The following CNDP1 variants were observed in gnomAD, a reference collection of about 807,000 sequenced individuals.
CNDP1 encodes the protein beta-Ala-His dipeptidase.
Under a neutral mutation model 58.1 loss-of-function variants are expected in CNDP1, and 44 were observed. The observed-to-expected ratio is 0.76, with a 90% confidence interval of 0.60 to 0.97. The LOEUF (loss-of-function observed/expected upper bound fraction) is 0.97, where lower values mean the gene tolerates loss of function less well. CNDP1 is among the 50% of genes least tolerant of loss of function. The probability of loss-of-function intolerance (pLI) is 0.00; values close to 1 mark genes in which losing one functional copy is unlikely to be tolerated. For missense variants in CNDP1, 616 were observed against 655.1 expected (o/e 0.94, Z 0.65); for synonymous variants, 254 against 252.6 (o/e 1.01, Z -0.05).
intron 6 of CNDP1, among the ~76,000 whole-genome samples, chr18:74,570,739 A>G (rs572057450): frequency 6.6e-6 from 1 of 152,316 alleles, no homozygotes; most frequent in African/African-American, 2.4e-5. Context: ...GGAAGAAGAG[A>G]TGTTATTACA....
intron 5 of CNDP1, among the ~76,000 whole-genome samples, chr18:74,563,078 G>A (rs1276379097): frequency 6.6e-6 from 1 of 152,184 alleles, no homozygotes; most frequent in Non-Finnish European, 1.5e-5. Flanking sequence ...AGCAGACCTG[G>A]GCTTCTGGGG....
At chr18:74,542,671 A>G (rs1024123456) in intron 1 of CNDP1, among the ~76,000 whole-genome samples, 3 of 152,218 alleles carry the variant, frequency 2.0e-5, no homozygotes, top group African/African-American at 7.2e-5. Context: ...GACTATAGGT[A>G]TGCACCACCT....
At chr18:74,574,591 C>T (rs1981580357) in intron 7 of CNDP1, among the ~76,000 whole-genome samples, 1 of 152,190 alleles carries the variant, frequency 6.6e-6, no homozygotes, top group Admixed American at 6.5e-5. Flanking sequence ...CCCCGCACTT[C>T]CCAAGAAGGC....
intron 6 of CNDP1, among the ~76,000 whole-genome samples, chr18:74,570,234 T>TAATAAA (rs1568298355): frequency 9.4e-4 from 79 of 83,812 alleles, no homozygotes; most frequent in Middle Eastern, 6.1e-3. Context: ...ATAATAATAA[T>TAATAAA]AAATAATTAA....
chr18:74,536,289 C>T (rs1011680897), intron 1 of CNDP1, among the ~76,000 whole-genome samples: 1 of 152,152 alleles, frequency 6.6e-6, no homozygotes, highest in African/African-American at 2.4e-5. Flanking sequence ...TCCTCTCCCT[C>T]CTCCCGTCCT....
Position 74,586,110 on chromosome 18 carries a change from A to G in CNDP1, c.*1548A>G, listed in dbSNP as rs1288888283. On this transcript the variant is annotated 3_prime_UTR_variant, in exon 12 of 12. Transcript: ENST00000358821. ...TTAAAAACGTGCTGTACCACCTTTA[A>G]AAGGACTGGAGCAGGCAGGCAGTGA... 2 of 152,172 alleles carry G rather than the reference A, an allele frequency of 1.3e-5. No individual in the cohort carries two copies. The allele number at this position is 152,172 out of a possible 1,614,324, so 9.4% of individuals were successfully genotyped here. A position where few individuals can be genotyped will look rare whatever the true frequency, so the allele number is the denominator to read the frequency against.
At chr18:74,541,815 A>C (rs1980631917) in intron 1 of CNDP1, among the ~76,000 whole-genome samples, 1 of 152,022 alleles carries the variant, frequency 6.6e-6, no homozygotes, top group African/African-American at 2.4e-5. Context: ...ACAATCCCCC[A>C]CTTCTTCAGA....
chr18:74,580,039 G>C (rs759743268), intron 9 of CNDP1, 91 bp from the exon 10 acceptor site: 16 of 1,128,768 alleles, frequency 1.4e-5, no homozygotes, highest in African/African-American at 1.2e-4. Context: ...TATATTAACT[G>C]TACTAATCAG....
chr18:74,556,297 C>T (rs1599091784), intron 1 of CNDP1, 41 bp from the exon 2 acceptor site: 1 of 1,599,280 alleles, frequency 6.3e-7, no homozygotes, highest in Non-Finnish European at 8.5e-7. Flanking sequence ...CAGCAACTGG[C>T]ATTGATTTTC....
At chr18:74,564,743 A>G (rs1981284803) in intron 5 of CNDP1, among the ~76,000 whole-genome samples, 1 of 152,198 alleles carries the variant, frequency 6.6e-6, no homozygotes, top group Non-Finnish European at 1.5e-5. Flanking sequence ...TTAAATTGGC[A>G]GGACATGTTG....
rs1390511000 is a variant in CNDP1 at position 74,534,522 on chromosome 18, C to T, written c.-146C>T. 2.2e-5 allele frequency: 17 copies of T among 778,314 alleles called. No homozygotes were observed. The highest frequency in any genetic ancestry group is 2.4e-5 in the Non-Finnish European group (11 of 454,844). 48.2% of individuals were successfully genotyped at this position (778,314 alleles called of 1,614,324 possible). A position where few individuals can be genotyped will look rare whatever the true frequency, so the allele number is the denominator to read the frequency against. On this transcript the variant is annotated 5_prime_UTR_variant, in exon 1 of 12. Transcript: ENST00000358821. The stretch of plus-strand genomic sequence containing the variant: ...TCCAGATGTGAATAGCTCCACTATA[C>T]CAGCCTCGTCTTCCTTCCGGGGGAC...
At chr18:74,546,916 A>G (rs1174812907) in intron 1 of CNDP1, among the ~76,000 whole-genome samples, 1 of 152,240 alleles carries the variant, frequency 6.6e-6, no homozygotes, top group East Asian at 1.9e-4. Context: ...GGTCAAGCTC[A>G]CAGGTTAGGC....
At chr18:74,575,648 T>C (rs1981612477) in intron 7 of CNDP1, among the ~76,000 whole-genome samples, 2 of 152,186 alleles carry the variant, frequency 1.3e-5, no homozygotes, top group African/African-American at 2.4e-5. Context: ...GATTTTGTGG[T>C]CATGATGGTA....
chr18:74,551,213 C>T (rs1980897686), intron 1 of CNDP1, among the ~76,000 whole-genome samples: 1 of 152,064 alleles, frequency 6.6e-6, no homozygotes, highest in African/African-American at 2.4e-5. Context: ...TGAGCTGATG[C>T]TGGCACCATG....
intron 5 of CNDP1, among the ~76,000 whole-genome samples, chr18:74,563,010 T>G (rs1981241002): frequency 6.6e-6 from 1 of 152,200 alleles, no homozygotes; most frequent in African/African-American, 2.4e-5. Context: ...GCCTCAGCCC[T>G]GTCCAAGGCT....
chr18:74,561,971 T>C (rs1981210870), intron 4 of CNDP1, 76 bp from the exon 5 acceptor site: 12 of 1,229,978 alleles, frequency 9.8e-6, no homozygotes, highest in Non-Finnish European at 8.4e-6. Flanking sequence ...TCAGTACCCA[T>C]GAAACGACAT....
In CNDP1 at chr18:74,576,673, G is replaced by A. The variant is rs909175149; in HGVS notation, c.842-196G>A. On this transcript the variant is annotated intron_variant, in intron 7 of 11. Coordinates refer to ENST00000358821, the MANE Select transcript of CNDP1 (RefSeq NM_032649.6). ...CTAAAGCAGGGCGGACTCCAGCTGCGTGATCCTGGTGACCAACTCCTTTCT... is the reference window on the plus strand; with the variant it reads ...CTAAAGCAGGGCGGACTCCAGCTGCATGATCCTGGTGACCAACTCCTTTCT... 76 of 478,184 alleles carry A rather than the reference G, an allele frequency of 1.6e-4. No individual in the cohort carries two copies. In the East Asian group the frequency reaches 2.2e-3, roughly 14 times the overall value. 29.6% of individuals were successfully genotyped at this position (478,184 alleles called of 1,614,324 possible).
chr18:74,553,780 T>C (rs1351468862), intron 1 of CNDP1, among the ~76,000 whole-genome samples: 1 of 152,204 alleles, frequency 6.6e-6, no homozygotes, highest in African/African-American at 2.4e-5. Flanking sequence ...TTAAAACTTC[T>C]GCCCTGAATG....
chr18:74,553,640 A>G (rs1436430937), intron 1 of CNDP1, among the ~76,000 whole-genome samples: 1 of 152,094 alleles, frequency 6.6e-6, no homozygotes, highest in Non-Finnish European at 1.5e-5. Flanking sequence ...AAGCCAGTTC[A>G]CTCTCCAGAA....
Sources: gnomAD v4.1 joint callset for allele counts (sites outside exome capture counted in the v4.1 genomes callset) on GRCh38, gnomAD v4.1.1 for gene constraint, MANE v1.5 for transcripts, NCBI Gene and HGNC (gene_info 2026-07-23, HGNC 2026-07-21) for gene names.